Variants in PRKDC observed in about 807,000 individuals in gnomAD.
The protein encoded by PRKDC is protein kinase, DNA-activated, catalytic subunit, also known as DNA-dependent protein kinase catalytic subunit.
Under a neutral mutation model 486.9 loss-of-function variants are expected in PRKDC, and 82 were observed. The ratio of observed to expected loss-of-function variants is 0.17; its 90% confidence interval spans 0.14 to 0.20. The LOEUF is 0.20. Ranked by LOEUF, PRKDC falls within the 10% of genes least tolerant of loss-of-function variation. The pLI is 1.00. For synonymous variants in PRKDC, 1,895 were observed against 1,837.0 expected (o/e 1.03, Z -0.81); for missense variants, 4,504 against 5,038.2 (o/e 0.89, Z 3.21).
intron 73 of PRKDC, among the ~76,000 whole-genome samples, chr8:47,796,779 T>TA (rs11375458): frequency 0.13 from 19,507 of 151,844 alleles, 1,931 homozygotes; most frequent in African/African-American, 0.27. Flanking sequence ...TTTGTTTCTT[T>TA]AGTAGGGTTT....
At chr8:47,923,533 G>A (rs750026103) in intron 21 of PRKDC, among the ~76,000 whole-genome samples, 12 of 152,204 alleles carry the variant, frequency 7.9e-5, no homozygotes, top group South Asian at 2.1e-4. Flanking sequence ...TGCACGTGTG[G>A]CCCACAAGTC....
At chr8:47,838,536 C>A (rs554967818) in intron 56 of PRKDC, among the ~76,000 whole-genome samples, 104 of 151,888 alleles carry the variant, frequency 6.8e-4, no homozygotes, top group African/African-American at 1.9e-3. Context: ...CATACGAACC[C>A]AGGAGTCAGA....
At chr8:47,865,104 T>C (rs893616281) in intron 40 of PRKDC, among the ~76,000 whole-genome samples, 16 of 152,188 alleles carry the variant, frequency 1.1e-4, no homozygotes, top group Non-Finnish European at 1.5e-5. Context: ...AACTCAGAAG[T>C]TGGCTGGGCG....
Position 47,960,109 on chromosome 8 carries a change from G to C in PRKDC, c.18C>G (p.Ala6=). 1 of 1,507,606 alleles carries C rather than the reference G, an allele frequency of 6.6e-7. No individual in the cohort carries two copies. The highest frequency in any genetic ancestry group is 8.8e-7 in the Non-Finnish European group (1 of 1,132,294). The allele number at this position is 1,507,606 out of a possible 1,614,324, so 93.4% of individuals were successfully genotyped here. A position where few individuals can be genotyped will look rare whatever the true frequency, so the allele number is the denominator to read the frequency against. The stretch of plus-strand genomic sequence containing the variant: ...GCCGCAGCAGGGAGCAACGCACACC[G>C]GCTCCGGAGCCCGCCATGCCGCCGA... MAGSG[A]GVRCSLLRLQ... Residue 6 remains alanine, a synonymous_variant, in exon 1 of 86, where the codon GCC becomes GCG. Transcript: ENST00000314191.
At chr8:47,786,943 G>C (rs1379960578) in intron 76 of PRKDC, among the ~76,000 whole-genome samples, 1 of 151,752 alleles carries the variant, frequency 6.6e-6, no homozygotes, top group Non-Finnish European at 1.5e-5. Context: ...TGGCCAGACT[G>C]GTCTCGAACT....
At chr8:47,896,641 C>T (rs1339955059) in intron 30 of PRKDC, among the ~76,000 whole-genome samples, 4 of 146,754 alleles carry the variant, frequency 2.7e-5, no homozygotes, top group African/African-American at 7.6e-5. Flanking sequence ...AGCGAGACTC[C>T]GTCTCAAAAA....
rs564446540 is a variant in PRKDC at position 47,855,634 on chromosome 8, C to G, written c.6610-261G>C. Among the ~76,000 whole-genome samples the G allele has an allele frequency of 2.3e-4, 35 of 152,352 alleles. 2 individuals are homozygous for G. Among genetic ancestry groups the G allele is most frequent in the Non-Finnish European group, 4.3e-4 (29 of 68,026 alleles). On this transcript the variant is annotated intron_variant, in intron 49 of 85. Transcript: ENST00000314191. Reference sequence around the variant, plus strand: ...TGCCCCATGCATGCACCTCTGCCTTCCTCCCTGGAGCCTCCATGCCTAGGA... The same window carrying G: ...TGCCCCATGCATGCACCTCTGCCTTGCTCCCTGGAGCCTCCATGCCTAGGA...
chr8:47,839,434 C>T (rs8178177), intron 55 of PRKDC, among the ~76,000 whole-genome samples, 188 bp from the exon 56 acceptor site: 162 of 152,296 alleles, frequency 1.1e-3, no homozygotes, highest in South Asian at 3.7e-3. Context: ...TCCTTGCTCC[C>T]AGCAGGAGCT....
At chr8:47,843,388 G>A (rs1053493904) in intron 54 of PRKDC, among the ~76,000 whole-genome samples, 3 of 151,918 alleles carry the variant, frequency 2.0e-5, no homozygotes, top group Non-Finnish European at 4.4e-5. Flanking sequence ...AAAAATAATG[G>A]ATTATGTAAA....
intron 66 of PRKDC, among the ~76,000 whole-genome samples, chr8:47,820,480 GA>G (rs541622452): frequency 4.0e-5 from 6 of 150,722 alleles, no homozygotes; most frequent in African/African-American, 1.2e-4. Flanking sequence ...TTCTAAAATA[GA>G]AAAAAAAGAT....
chr8:47,945,786 A>T (rs186034401), intron 7 of PRKDC, among the ~76,000 whole-genome samples: 2 of 151,994 alleles, frequency 1.3e-5, no homozygotes, highest in African/African-American at 4.8e-5. Context: ...CAGTGGCACG[A>T]TCTCAGCTCA....
intron 76 of PRKDC, among the ~76,000 whole-genome samples, chr8:47,787,411 T>C (rs1171959486): frequency 6.6e-6 from 1 of 152,230 alleles, no homozygotes; most frequent in Admixed American, 6.5e-5. Flanking sequence ...CCAAACATAA[T>C]CAGCATCATC....
intron 71 of PRKDC, 79 bp from the exon 72 acceptor site, chr8:47,799,469 G>A: frequency 7.5e-7 from 1 of 1,338,576 alleles, no homozygotes; most frequent in African/African-American, 1.5e-5. Context: ...TGTGACTCAT[G>A]ACACATAAAT....
In PRKDC at chr8:47,837,372, T is replaced by C; in HGVS notation, c.7601A>G (p.Asn2534Ser). 6.2e-7 allele frequency: 1 copy of C among 1,612,810 alleles called. No homozygotes were observed. Among genetic ancestry groups the C allele is most frequent in the Non-Finnish European group, 8.5e-7 (1 of 1,178,808 alleles). Residue 2534 changes from asparagine (N) to serine (S), a missense_variant, in exon 57 of 86, where the codon AAT (asparagine) becomes AGT (serine). Coordinates refer to ENST00000314191, the MANE Select transcript of PRKDC (RefSeq NM_006904.7). ...FWSHETRLPS[N>S]TLDRLLALNS... ...TAGTGCCAGCAACCGGTCCAAGGTA[T>C]TTGAAGGTAACCTAGTTTCATGGCT... is the stretch of plus-strand genomic sequence containing the variant.
intron 3 of PRKDC, among the ~76,000 whole-genome samples, chr8:47,956,781 CTT>C (rs892626729): frequency 2.7e-5 from 4 of 148,370 alleles, no homozygotes; most frequent in South Asian, 2.3e-4. Context: ...GAGTTTTGCT[CTT>C]GTCGCCCAGG....
intron 45 of PRKDC, 125 bp from the exon 46 acceptor site, chr8:47,859,884 G>C: frequency 1.0e-6 from 1 of 991,880 alleles, no homozygotes. Context: ...TCAAGCCAGT[G>C]ATTATTAACC....
intron 48 of PRKDC, 105 bp from the exon 49 acceptor site, chr8:47,857,404 G>A: frequency 1.6e-6 from 2 of 1,279,190 alleles, no homozygotes; most frequent in Non-Finnish European, 2.1e-6. Context: ...ACTATGACTG[G>A]ACCTAAAGCC....
intron 25 of PRKDC, among the ~76,000 whole-genome samples, chr8:47,909,200 C>G (rs1334928449): frequency 6.6e-6 from 1 of 152,206 alleles, no homozygotes; most frequent in Non-Finnish European, 1.5e-5. Context: ...TCAGGGACCC[C>G]ACACGGAGGG....
chr8:47,836,661 TGAA>T, intron 57 of PRKDC, 134 bp from the exon 58 acceptor site: 2 of 820,494 alleles, frequency 2.4e-6, no homozygotes, highest in East Asian at 2.8e-5. Flanking sequence ...CATATGCAGC[TGAA>T]GAAGAACCTT....
Sources: allele counts gnomAD v4.1 joint callset (sites outside exome capture counted in the v4.1 genomes callset), GRCh38; gene constraint gnomAD v4.1.1; transcripts MANE v1.5; gene names NCBI Gene and HGNC (gene_info 2026-07-23, HGNC 2026-07-21).